Variants in MTUS1 observed in about 807,000 individuals in gnomAD.
MTUS1 encodes the protein microtubule associated scaffold protein 1, also known as microtubule-associated tumor suppressor 1.
In MTUS1, 109 loss-of-function variants were observed where a neutral mutation model predicts 120.8. The ratio of observed to expected loss-of-function variants is 0.90; its 90% CI spans 0.77 to 1.06. MTUS1 has a LOEUF of 1.06. MTUS1 is among the 50% of genes least tolerant of loss of function. The probability of loss-of-function intolerance (pLI) is 0.00; values close to 1 mark genes in which losing one functional copy is unlikely to be tolerated. For missense variants in MTUS1, 2,210 were observed against 1,486.3 expected, an observed-to-expected ratio of 1.49 and a Z score of -8.01; for synonymous variants, 737 against 550.5, an observed-to-expected ratio of 1.34 and a Z score of -4.74.
At chr8:17,747,364 C>A (rs1184325166) in intron 2 of MTUS1, among the ~76,000 whole-genome samples, 1 of 152,174 alleles carries the variant, frequency 6.6e-6, no homozygotes, top group Non-Finnish European at 1.5e-5. Context: ...CTTGACAACT[C>A]TGCCCACCAC....
Position 17,744,072 on chromosome 8 carries a change from T to C in MTUS1, c.2092-273A>G, listed in dbSNP as rs114217133. ...AAGACACTAAATTCCAACCTGACTC[T>C]AGTTTAGCATCACATGACAGACAGC... On this transcript the variant is annotated intron_variant, in intron 2 of 14. Coordinates refer to ENST00000693296, the MANE Select transcript of MTUS1 (RefSeq NM_001363059.2). 8.5e-3 allele frequency among the ~76,000 whole-genome samples: 1,302 copies of C among 152,298 alleles called. 20 individuals are homozygous for C. The highest frequency in any genetic ancestry group is 0.029 in the African/African-American group (1,203 of 41,564).
chr8:17,742,291 G>GT (rs1237059839), intron 3 of MTUS1, among the ~76,000 whole-genome samples: 5,038 of 94,550 alleles, frequency 0.053, 284 homozygotes, highest in Admixed American at 0.14. Context: ...TGTTGTTGTT[G>GT]TTTTTTTTTT....
intron 6 of MTUS1, among the ~76,000 whole-genome samples, chr8:17,697,003 A>G (rs1438944911): frequency 1.3e-5 from 2 of 152,246 alleles, no homozygotes; most frequent in African/African-American, 4.8e-5. Flanking sequence ...GATGGAGAAA[A>G]GAGCTAGGGA....
chr8:17,698,838 T>C (rs1818477616), intron 6 of MTUS1, among the ~76,000 whole-genome samples: 1 of 152,264 alleles, frequency 6.6e-6, no homozygotes, highest in Middle Eastern at 3.4e-3. Context: ...ACCTAGTTCA[T>C]ACACTGACGA....
At chr8:17,687,405 C>T (rs73666306) in intron 6 of MTUS1, among the ~76,000 whole-genome samples, 144 of 152,264 alleles carry the variant, frequency 9.5e-4, no homozygotes, top group African/African-American at 3.2e-3. Flanking sequence ...ACTGAAAAGC[C>T]AGGGGTTCCC....
chr8:17,791,576 T>C (rs144437526), intron 1 of MTUS1, among the ~76,000 whole-genome samples: 51 of 152,306 alleles, frequency 3.3e-4, no homozygotes, highest in Admixed American at 1.3e-3. Flanking sequence ...AGTATCTACA[T>C]TGATTTTTTG....
intron 8 of MTUS1, chr8:17,674,864 G>GAA: frequency 2.7e-6 from 3 of 1,118,544 alleles, no homozygotes; most frequent in Non-Finnish European, 2.2e-6. Flanking sequence ...AAGTGCTTCA[G>GAA]AAAAAAAAAT....
chr8:17,647,251 A>G, intron 13 of MTUS1, 172 bp from the exon 14 acceptor site: 1 of 559,318 alleles, frequency 1.8e-6, no homozygotes, highest in Non-Finnish European at 3.1e-6. Context: ...TTAAAACAGC[A>G]AAACAGAGCG....
intron 6 of MTUS1, among the ~76,000 whole-genome samples, chr8:17,708,367 T>A (rs1468685435): frequency 6.6e-6 from 1 of 152,218 alleles, no homozygotes; most frequent in African/African-American, 2.4e-5. Flanking sequence ...TGTCACTGGC[T>A]GTCAGAATGC....
chr8:17,777,124 C>T (rs529428146), intron 1 of MTUS1, among the ~76,000 whole-genome samples: 3 of 152,198 alleles, frequency 2.0e-5, no homozygotes, highest in East Asian at 1.9e-4. Context: ...TTTTCCCACC[C>T]CCAGCATTTG....
intron 3 of MTUS1, among the ~76,000 whole-genome samples, chr8:17,736,982 G>A (rs536660725): frequency 1.2e-4 from 19 of 152,194 alleles, no homozygotes; most frequent in South Asian, 6.2e-4. Flanking sequence ...TGGAAGGAAC[G>A]GGTCTCTTCT....
intron 3 of MTUS1, among the ~76,000 whole-genome samples, chr8:17,735,635 C>G (rs928895649): frequency 6.6e-6 from 1 of 152,232 alleles, no homozygotes; most frequent in Non-Finnish European, 1.5e-5. Context: ...CCTGCAGGCG[C>G]ATTCCAAACA....
chr8:17,687,120 G>A (rs141031262), intron 6 of MTUS1, among the ~76,000 whole-genome samples: 11 of 152,230 alleles, frequency 7.2e-5, no homozygotes, highest in East Asian at 1.9e-4. Flanking sequence ...TGATGTATTC[G>A]TCTAAGAGTA....
chr8:17,784,425 A>G (rs12549674), intron 1 of MTUS1, among the ~76,000 whole-genome samples: 110,442 of 151,386 alleles, frequency 0.73, 41,845 homozygotes, highest in Non-Finnish European at 0.85. Context: ...CCTCTCAGGT[A>G]GCTGGGATTA....
chr8:17,754,022 T>C lies in MTUS1; in HGVS notation c.1786A>G (p.Asn596Asp). The change falls in exon 2 of 15, where the codon AAT becomes GAT. Residue 596 changes from asparagine to aspartate, a missense_variant. Coordinates refer to ENST00000693296, the MANE Select transcript of MTUS1 (RefSeq NM_001363059.2). ...QAVHVTTHSK[N>D]ASHRVPRTTS... ...GTTCTTGGAACCCTGTGTGAAGCAT[T>C]TTTAGAATGAGTTGTAACATGCACA... 6.2e-7 allele frequency: 1 copy of C among 1,614,206 alleles called. No individual in the cohort carries two copies.
chr8:17,737,969 T>C (rs575455305), intron 3 of MTUS1, among the ~76,000 whole-genome samples: 58 of 152,128 alleles, frequency 3.8e-4, no homozygotes, highest in African/African-American at 1.3e-3. Flanking sequence ...TAACACGAAA[T>C]GAATGAAAAA....
chr8:17,751,611 G>A (rs1295908529), intron 2 of MTUS1, among the ~76,000 whole-genome samples: 2 of 152,074 alleles, frequency 1.3e-5, no homozygotes, highest in East Asian at 3.9e-4. Flanking sequence ...TGTATTCCCA[G>A]CACTTTGGGA....
intron 6 of MTUS1, among the ~76,000 whole-genome samples, chr8:17,701,968 G>A (rs1343502481): frequency 6.6e-6 from 1 of 151,868 alleles, no homozygotes; most frequent in Admixed American, 6.6e-5. Context: ...TCTTTCCATG[G>A]GATTAAATAA....
chr8:17,735,675 C>T (rs1468914959), intron 3 of MTUS1, among the ~76,000 whole-genome samples: 1 of 152,264 alleles, frequency 6.6e-6, no homozygotes, highest in African/African-American at 2.4e-5. Flanking sequence ...TCCTCCAGTT[C>T]TCCCTCACAA....
Sources: gnomAD v4.1 joint callset for allele counts (sites outside exome capture counted in the v4.1 genomes callset) on GRCh38, gnomAD v4.1.1 for gene constraint, MANE v1.5 for transcripts, NCBI Gene and HGNC (gene_info 2026-07-23, HGNC 2026-07-21) for gene names.